ZC3H11A: variants seen among roughly 807,000 people sequenced by gnomAD.
ZC3H11A encodes zinc finger CCCH domain-containing protein 11A.
In ZC3H11A, 22 loss-of-function variants were observed where a neutral mutation model predicts 90.8. The ratio of observed to expected loss-of-function variants is 0.24; its 90% confidence interval spans 0.17 to 0.35. The LOEUF (loss-of-function observed/expected upper bound fraction) is 0.35, where lower values mean the gene tolerates loss of function less well. Ranked by LOEUF, ZC3H11A falls within the 10% of genes least tolerant of loss-of-function variation. ZC3H11A has a pLI of 1.00. For missense variants in ZC3H11A, 701 were observed against 964.9 expected (o/e 0.73, Z 3.62); for synonymous variants, 294 against 339.8 (o/e 0.87, Z 1.48).
chr1:203,810,091 A>G lies in ZC3H11A; in HGVS notation c.-145-6835A>G, dbSNP rs145802952. ...TTTTGCATGGGATAGTATTGATTAT[A>G]AAGTCATTGGAGCATCATTTAAAAG... is the stretch of plus-strand genomic sequence containing the variant. On this transcript the variant is annotated intron_variant, in intron 2 of 17. Coordinates refer to ENST00000367210, the MANE Select transcript of ZC3H11A (RefSeq NM_001376342.1). Among the ~76,000 whole-genome samples, 897 of 151,984 alleles carry G rather than the reference A, an allele frequency of 5.9e-3. 11 individuals carry two copies. The highest frequency in any genetic ancestry group is 0.018 in the African/African-American group (752 of 41,496).
Position 203,835,416 on chromosome 1 carries a change from C to T in ZC3H11A, c.874+1563C>T, listed in dbSNP as rs149488175. Among the ~76,000 whole-genome samples the T allele has an allele frequency of 1.5e-3, 233 of 152,012 alleles. 4 individuals carry two copies. The highest frequency in any genetic ancestry group is 4.9e-3 in the African/African-American group (205 of 41,472). ...ACATTACACGTTATACAGTCATTTA[C>T]GAAAAAAGCTTAGAAGAGACAGAAA... On this transcript the variant is annotated intron_variant, in intron 10 of 17. Coordinates refer to ENST00000367210, the MANE Select transcript of ZC3H11A (RefSeq NM_001376342.1).
intron 12 of ZC3H11A, among the ~76,000 whole-genome samples, chr1:203,843,900 C>T (rs902489591): frequency 2.6e-5 from 4 of 151,934 alleles, no homozygotes; most frequent in Non-Finnish European, 5.9e-5. Flanking sequence ...TCTTGTTGCC[C>T]AGTCTGGAGT....
chr1:203,849,261 G>A (rs556024762), intron 14 of ZC3H11A, among the ~76,000 whole-genome samples: 1 of 152,312 alleles, frequency 6.6e-6, no homozygotes, highest in Non-Finnish European at 1.5e-5. Context: ...ACATAATGGA[G>A]AACTCTACAG....
chr1:203,817,166 C>A, intron 3 of ZC3H11A, 42 bp downstream of exon 3: 2 of 1,514,610 alleles, frequency 1.3e-6, no homozygotes, highest in Non-Finnish European at 1.8e-6. Context: ...CTACAATTTG[C>A]TTAATAGAAT....
At chr1:203,842,426 G>A (rs577256259) in intron 12 of ZC3H11A, among the ~76,000 whole-genome samples, 8 of 152,118 alleles carry the variant, frequency 5.3e-5, no homozygotes, top group Non-Finnish European at 8.8e-5. Context: ...GCGAAACCCC[G>A]TCTCCACCAA....
chr1:203,803,050 G>A (rs1671005352), intron 2 of ZC3H11A, 34 bp downstream of exon 2: 1 of 152,534 alleles, frequency 6.6e-6, no homozygotes, highest in Admixed American at 6.6e-5. Flanking sequence ...TCGCATGAAA[G>A]GAGTGAACAT....
chr1:203,798,766 T>C, intron 1 of ZC3H11A: 2 of 1,536,140 alleles, frequency 1.3e-6, no homozygotes, highest in South Asian at 1.2e-5. Context: ...CAGGCAATTA[T>C]CCAAATGATT....
intron 12 of ZC3H11A, among the ~76,000 whole-genome samples, chr1:203,844,204 C>T (rs1332762564): frequency 6.6e-6 from 1 of 151,604 alleles, no homozygotes; most frequent in Admixed American, 6.6e-5. Flanking sequence ...CACTCTCATC[C>T]AGGCTGGAGT....
chr1:203,797,824 T>G, intron 1 of ZC3H11A: 1 of 1,536,118 alleles, frequency 6.5e-7, no homozygotes, highest in Non-Finnish European at 8.7e-7. Flanking sequence ...GCCCCTGCTT[T>G]GTTAGCTTCC....
intron 2 of ZC3H11A, among the ~76,000 whole-genome samples, chr1:203,808,178 C>T (rs754029641): frequency 5.3e-5 from 8 of 152,044 alleles, no homozygotes; most frequent in Non-Finnish European, 1.0e-4. Flanking sequence ...TATCTAAAAA[C>T]TTCTAAGTTC....
intron 13 of ZC3H11A, 25 bp downstream of exon 13, chr1:203,847,712 T>TACC: frequency 6.2e-7 from 1 of 1,601,094 alleles, no homozygotes; most frequent in African/African-American, 1.3e-5. Flanking sequence ...TGGTCTCTAG[T>TACC]ACCACGTCCC....
intron 4 of ZC3H11A, among the ~76,000 whole-genome samples, chr1:203,822,676 TA>T (rs1185102102): frequency 6.6e-6 from 1 of 152,184 alleles, no homozygotes; most frequent in African/African-American, 2.4e-5. Context: ...GAGACATTGC[TA>T]ACCCTGCTCA....
chr1:203,821,949 G>A (rs1429236963), intron 4 of ZC3H11A, among the ~76,000 whole-genome samples: 1 of 152,016 alleles, frequency 6.6e-6, no homozygotes, highest in Non-Finnish European at 1.5e-5. Flanking sequence ...AGTAGAGATG[G>A]GGTTTCACCG....
intron 12 of ZC3H11A, among the ~76,000 whole-genome samples, chr1:203,843,270 A>G (rs1686977898): frequency 6.6e-6 from 1 of 152,176 alleles, no homozygotes; most frequent in Non-Finnish European, 1.5e-5. Context: ...GATTCAGTAA[A>G]TACATAAATA....
chr1:203,821,330 T>TA (rs1244481231), intron 4 of ZC3H11A, among the ~76,000 whole-genome samples: 1 of 152,132 alleles, frequency 6.6e-6, no homozygotes, highest in Admixed American at 6.6e-5. Flanking sequence ...TTTAAATAAA[T>TA]TTCCCAGTCT....
intron 1 of ZC3H11A, chr1:203,799,820 G>T: frequency 6.9e-7 from 1 of 1,443,062 alleles, no homozygotes; most frequent in Non-Finnish European, 9.4e-7. Flanking sequence ...CCTGTATCTT[G>T]GCTACTTTGT....
rs546884020 is a variant in ZC3H11A, at chr1:203,816,957, A to G, written c.-114A>G. The stretch of plus-strand genomic sequence containing the variant: ...AGTTTAAAGACAATTTCTGTGATCA[A>G]GTTGTCATTTGGAAGATTAAACCCA... On this transcript the variant is annotated 5_prime_UTR_variant, in exon 3 of 18. Coordinates refer to ENST00000367210, the MANE Select transcript of ZC3H11A (RefSeq NM_001376342.1). 3.8e-5 allele frequency: 23 copies of G among 612,200 alleles called. No homozygotes were observed. In the East Asian group the frequency reaches 6.2e-4, roughly 16 times the overall value. The allele number at this position is 612,200 out of a possible 1,614,324, so 37.9% of individuals were successfully genotyped here.
intron 10 of ZC3H11A, among the ~76,000 whole-genome samples, chr1:203,834,855 G>A (rs1487088045): frequency 6.6e-6 from 1 of 152,142 alleles, no homozygotes; most frequent in African/African-American, 2.4e-5. Flanking sequence ...TGTTGGCCAG[G>A]CTGGTCTCGA....
rs146793630 is a variant in ZC3H11A at position 203,841,062 on chromosome 1, A to G, written c.1042+688A>G. ...GCTGAACAACGATATGGAAAAATCA[A>G]CTTGCATTGTATCAAGTGAAGAAAG... On this transcript the variant is annotated intron_variant, in intron 12 of 17. Transcript: ENST00000367210. Among the ~76,000 whole-genome samples, 29 of 152,316 alleles carry G rather than the reference A, an allele frequency of 1.9e-4. No individual in the cohort carries two copies. In the East Asian group the frequency reaches 2.3e-3, roughly 12 times the overall value.
Sources: gnomAD v4.1 joint callset for allele counts (sites outside exome capture counted in the v4.1 genomes callset) on GRCh38, gnomAD v4.1.1 for gene constraint, MANE v1.5 for transcripts, NCBI Gene and HGNC (gene_info 2026-07-23, HGNC 2026-07-21) for gene names.